Variants in TENT4B observed in about 807,000 individuals in gnomAD.
The protein encoded by TENT4B is PAP associated domain containing 5.
A neutral mutation model predicts 75.0 loss-of-function variants in TENT4B; 10 were observed. The ratio of observed to expected loss-of-function variants is 0.13; its 90% CI spans 0.08 to 0.23. The LOEUF is 0.23. Among genes scored for constraint, TENT4B ranks in the 10% least tolerant of loss-of-function variants. TENT4B has a pLI of 1.00. For synonymous variants in TENT4B, 350 were observed against 357.7 expected (o/e 0.98, Z 0.24); for missense variants, 579 against 893.8 (o/e 0.65, Z 4.49).
chr16:50,224,525 C>T, intron 7 of TENT4B, 132 bp from the exon 8 acceptor site: 1 of 1,102,614 alleles, frequency 9.1e-7, no homozygotes, highest in African/African-American at 1.6e-5. Flanking sequence ...TTGGGGACAG[C>T]TCACAGCTCA....
intron 5 of TENT4B, 69 bp from the exon 6 acceptor site, chr16:50,222,237 A>T: frequency 7.1e-7 from 1 of 1,399,442 alleles, no homozygotes; most frequent in Non-Finnish European, 9.7e-7. Context: ...GGACCAATTT[A>T]TGCCCCTCTT....
chr16:50,157,371 C>G (rs1415414013), intron 1 of TENT4B, among the ~76,000 whole-genome samples: 2 of 152,202 alleles, frequency 1.3e-5, no homozygotes, highest in African/African-American at 4.8e-5. Context: ...ACTTCATGCT[C>G]TTGGTATAGC....
intron 1 of TENT4B, among the ~76,000 whole-genome samples, chr16:50,191,486 C>T (rs779695726): frequency 7.9e-5 from 12 of 152,086 alleles, no homozygotes; most frequent in Non-Finnish European, 1.3e-4. Flanking sequence ...GTTGCCCAGG[C>T]TGGTCATGAA....
Position 50,192,434 on chromosome 16 carries a change from T to G in TENT4B, c.639-18889T>G, listed in dbSNP as rs1000409397. On this transcript the variant is annotated intron_variant, in intron 1 of 11. Transcript: ENST00000561678. ...ATTTCTTTAAAATTTTTTTTAAAATTATTATGAGTACACAATAGGTGCATC... is the reference window on the plus strand; with the variant it reads ...ATTTCTTTAAAATTTTTTTTAAAATGATTATGAGTACACAATAGGTGCATC... Among the ~76,000 whole-genome samples, 38 of 152,126 alleles carry G rather than the reference T, an allele frequency of 2.5e-4. 1 individual carries two copies.
intron 1 of TENT4B, among the ~76,000 whole-genome samples, chr16:50,185,665 C>T (rs2038512337): frequency 6.6e-6 from 1 of 152,104 alleles, no homozygotes; most frequent in African/African-American, 2.4e-5. Flanking sequence ...CGTATCGAAG[C>T]TCTGGTTACC....
chr16:50,208,307 A>G (rs1187479428), intron 1 of TENT4B, among the ~76,000 whole-genome samples: 4 of 152,252 alleles, frequency 2.6e-5, no homozygotes, highest in Non-Finnish European at 4.4e-5. Flanking sequence ...CCTGTCTTAT[A>G]AATCTATAAT....
intron 7 of TENT4B, 125 bp downstream of exon 7, chr16:50,223,512 C>T (rs1189005948): frequency 1.9e-5 from 13 of 666,974 alleles, no homozygotes; most frequent in Admixed American, 6.2e-5. Flanking sequence ...CTTTTTTCAT[C>T]GAAATATTTC....
At chr16:50,200,578 A>G (rs1260740541) in intron 1 of TENT4B, among the ~76,000 whole-genome samples, 1 of 152,074 alleles carries the variant, frequency 6.6e-6, no homozygotes, top group Non-Finnish European at 1.5e-5. Context: ...TGAATATTCT[A>G]TTAGGTATAT....
chr16:50,212,238 TG>T (rs1310768990), intron 2 of TENT4B, among the ~76,000 whole-genome samples: 1 of 152,066 alleles, frequency 6.6e-6, no homozygotes, highest in Non-Finnish European at 1.5e-5. Flanking sequence ...TGTATTTTTT[TG>T]TAGAGACTGA....
chr16:50,163,420 T>C (rs1368706175), intron 1 of TENT4B, among the ~76,000 whole-genome samples: 1 of 148,758 alleles, frequency 6.7e-6, no homozygotes, highest in African/African-American at 2.5e-5. Context: ...ATAATTTCTT[T>C]TTTTTTTTTT....
In TENT4B at chr16:50,223,491, T is replaced by C. The variant is rs1263501818; in HGVS notation, c.1381+104T>C. 6 of 722,124 alleles carry C rather than the reference T, an allele frequency of 8.3e-6. No homozygotes were observed. The Admixed American group carries it at 9.1e-5, about 11-fold the overall frequency. The allele number at this position is 722,124 out of a possible 1,614,324, so 44.7% of individuals were successfully genotyped here. A position where few individuals can be genotyped will look rare whatever the true frequency, so the allele number is the denominator to read the frequency against. ...AGATGAAAAATGAAGGAACAACTTC[T>C]AATTGTTATTCTTTTTTCATCGAAA... On this transcript the variant is annotated intron_variant, in intron 7 of 11. Transcript: ENST00000561678.
At chr16:50,208,652 C>T (rs1180814429) in intron 1 of TENT4B, among the ~76,000 whole-genome samples, 1 of 152,180 alleles carries the variant, frequency 6.6e-6, no homozygotes, top group Non-Finnish European at 1.5e-5. Context: ...ATGGAAGTGA[C>T]CCAGGGCAAG....
At position 50,153,333 on chromosome 16, in the gene TENT4B, C is replaced by A. The variant is rs1459229798; in HGVS notation, c.-289C>A. 6.9e-6 allele frequency among the ~76,000 whole-genome samples: 1 copy of A among 144,724 alleles called. No homozygotes were observed. Among genetic ancestry groups the A allele is most frequent in the African/African-American group, 2.5e-5 (1 of 40,056 alleles). The allele number at this position is 144,724 out of a possible 152,430, so 94.9% of individuals were successfully genotyped here. A position where few individuals can be genotyped will look rare whatever the true frequency, so the allele number is the denominator to read the frequency against. On this transcript the variant is annotated 5_prime_UTR_variant, in exon 1 of 12. Transcript: ENST00000561678. ...TCTGTGGAGCCGCCGCCGCCGCCGC[C>A]GCCATTTGCACGGGGACCCCAGTGA...
intron 10 of TENT4B, among the ~76,000 whole-genome samples, chr16:50,226,213 C>G (rs200756163): frequency 6.6e-6 from 1 of 151,908 alleles, no homozygotes; most frequent in Non-Finnish European, 1.5e-5. Context: ...GTTGGCCAGG[C>G]TGGTCTCGAA....
intron 1 of TENT4B, among the ~76,000 whole-genome samples, chr16:50,155,280 T>G (rs1349383463): frequency 3.4e-4 from 51 of 148,772 alleles, no homozygotes; most frequent in African/African-American, 1.2e-3. Flanking sequence ...TGGGTGTGTG[T>G]GTGTGTGTGT....
intron 1 of TENT4B, among the ~76,000 whole-genome samples, chr16:50,195,385 C>CCTTTGG (rs2150714773): frequency 6.6e-6 from 1 of 152,206 alleles, no homozygotes; most frequent in African/African-American, 2.4e-5. Context: ...TTGGAGAAAT[C>CCTTTGG]CTTTGGCTCT....
rs546638618 is a variant in TENT4B at position 50,232,052 on chromosome 16, A to G, written c.*2724A>G. On this transcript the variant is annotated 3_prime_UTR_variant, in exon 12 of 12. Transcript: ENST00000561678. ...CTCTGGTGACATTTCTCAGGCAGTCATGTATGTGTACCTGGCCATTAGAAA... is the reference window on the plus strand; with the variant it reads ...CTCTGGTGACATTTCTCAGGCAGTCGTGTATGTGTACCTGGCCATTAGAAA... The G allele has an allele frequency of 2.7e-5, 27 of 985,362 alleles. No individual in the cohort carries two copies. In the African/African-American group the frequency reaches 4.4e-4, roughly 16 times the overall value. 61.0% of individuals were successfully genotyped at this position (985,362 alleles called of 1,614,324 possible).
rs2032304874 is a variant in TENT4B, at chr16:50,231,849, T to G, written c.*2521T>G. ...AACTTTTAGTTTGCCTGCTCATTTG[T>G]TTTATACATTTCATCTATTTGACTC... On this transcript the variant is annotated 3_prime_UTR_variant, in exon 12 of 12. Coordinates refer to ENST00000561678, the MANE Select transcript of TENT4B (RefSeq NM_001365324.3). The G allele has an allele frequency of 2.0e-6, 2 of 984,020 alleles. No homozygotes were observed. Among genetic ancestry groups the G allele is most frequent in the African/African-American group, 3.5e-5 (2 of 57,188 alleles). 61.0% of individuals were successfully genotyped at this position (984,020 alleles called of 1,614,324 possible).
Position 50,214,370 on chromosome 16 carries a change from A to G in TENT4B, c.809+103A>G. On this transcript the variant is annotated intron_variant, in intron 3 of 11. Transcript: ENST00000561678. ...AAACAAAACAAATTTATAAAACAAA[A>G]TGGGGCTGGGCATGGTGGCTCATGC... 4.4e-6 allele frequency: 4 copies of G among 906,202 alleles called. No homozygotes were observed. In the South Asian group the frequency reaches 6.4e-5, roughly 15 times the overall value. The allele number at this position is 906,202 out of a possible 1,614,324, so 56.1% of individuals were successfully genotyped here.
Sources: allele counts gnomAD v4.1 joint callset (sites outside exome capture counted in the v4.1 genomes callset), GRCh38; gene constraint gnomAD v4.1.1; transcripts MANE v1.5; gene names NCBI Gene and HGNC (gene_info 2026-07-23, HGNC 2026-07-21).